Variants in CDK1 observed in about 807,000 individuals in gnomAD.
CDK1 encodes the protein cyclin dependent kinase 1.
In CDK1, 5 loss-of-function variants were observed where a neutral mutation model predicts 34.6. That is an observed-to-expected ratio of 0.14 (90% CI 0.08 to 0.30). The LOEUF (loss-of-function observed/expected upper bound fraction) is 0.30. Ranked by LOEUF, CDK1 falls within the 10% of genes least tolerant of loss-of-function variation. The pLI, the probability that CDK1 is intolerant of heterozygous loss-of-function variation, is 1.00. For missense variants in CDK1, 157 were observed against 345.7 expected (o/e 0.45, Z 4.33); for synonymous variants, 108 against 114.7 (o/e 0.94, Z 0.37).
intron 2 of CDK1, among the ~76,000 whole-genome samples, chr10:60,784,124 A>G (rs1355988095): frequency 2.0e-5 from 3 of 152,174 alleles, no homozygotes; most frequent in Non-Finnish European, 4.4e-5. Flanking sequence ...CAAATGATCT[A>G]TTTTGTTCTG....
At chr10:60,786,874 T>C (rs955815796) in intron 4 of CDK1, 3 of 979,138 alleles carry the variant, frequency 3.1e-6, no homozygotes, top group Admixed American at 6.2e-5. Context: ...TGCATGACTT[T>C]TGGACTTTCT....
intron 2 of CDK1, among the ~76,000 whole-genome samples, chr10:60,784,118 T>C (rs1439381163): frequency 6.6e-6 from 1 of 152,242 alleles, no homozygotes; most frequent in Admixed American, 6.5e-5. Flanking sequence ...AATTTGCAAA[T>C]GATCTATTTT....
intron 4 of CDK1, chr10:60,787,073 T>C: frequency 1.0e-6 from 1 of 984,956 alleles, no homozygotes; most frequent in Non-Finnish European, 1.2e-6. Context: ...TTTTTCCAAA[T>C]GGCTAGCCAG....
At chr10:60,782,535 C>G (rs983003098) in intron 2 of CDK1, among the ~76,000 whole-genome samples, 4 of 152,100 alleles carry the variant, frequency 2.6e-5, no homozygotes, top group Non-Finnish European at 5.9e-5. Context: ...ATGGTGGAAC[C>G]TTGCCTGGCA....
intron 5 of CDK1, among the ~76,000 whole-genome samples, chr10:60,789,270 T>C (rs1298562983): frequency 6.6e-6 from 1 of 152,160 alleles, no homozygotes; most frequent in Admixed American, 6.5e-5. Context: ...TTGTTTGGGC[T>C]ATTTGAAAAT....
chr10:60,786,305 G>A (rs2080315502), intron 4 of CDK1: 3 of 974,654 alleles, frequency 3.1e-6, no homozygotes, highest in Non-Finnish European at 3.7e-6. Flanking sequence ...ACACTTGTAT[G>A]TATGTTCACT....
In CDK1 at chr10:60,785,852, G is replaced by C; in HGVS notation, c.318+65G>C. On this transcript the variant is annotated intron_variant, in intron 4 of 7. Coordinates refer to ENST00000395284, the MANE Select transcript of CDK1 (RefSeq NM_001786.5). ...GGATATAAAGGGACTATATATAGAA[G>C]TCCCTGCATTTTGTGGGAATATGCT... is the stretch of plus-strand genomic sequence containing the variant. 11 of 1,394,322 alleles carry C rather than the reference G, an allele frequency of 7.9e-6. No homozygotes were observed. In the South Asian group the frequency reaches 1.7e-4, roughly 22 times the overall value. 86.4% of individuals were successfully genotyped at this position (1,394,322 alleles called of 1,614,324 possible).
At chr10:60,790,350 C>T (rs566948830) in intron 5 of CDK1, among the ~76,000 whole-genome samples, 2 of 152,220 alleles carry the variant, frequency 1.3e-5, no homozygotes, top group East Asian at 3.9e-4. Flanking sequence ...CTCCAGTGAT[C>T]CTTCCACGTC....
At chr10:60,779,924 AAT>A (rs1202858143) in intron 1 of CDK1, among the ~76,000 whole-genome samples, 1 of 152,212 alleles carries the variant, frequency 6.6e-6, no homozygotes, top group African/African-American at 2.4e-5. Context: ...ACTAGTATAG[AAT>A]ATACACGTTT....
Position 60,791,916 on chromosome 10 carries a change from A to G in CDK1, c.516A>G (p.Pro172=). The G allele has an allele frequency of 6.2e-7, 1 of 1,612,572 alleles. No individual in the cohort carries two copies. The highest frequency in any genetic ancestry group is 8.5e-7 in the Non-Finnish European group (1 of 1,179,044). ...TAGTAACACTCTGGTACAGATCTCCAGAAGTATTGCTGGGGTCAGCTCGTT... is the reference window on the plus strand; with the variant it reads ...TAGTAACACTCTGGTACAGATCTCCGGAAGTATTGCTGGGGTCAGCTCGTT... ...HEVVTLWYRS[P]EVLLGSARYS... Residue 172 remains proline, a synonymous_variant, in exon 6 of 8, where the codon CCA becomes CCG. Coordinates refer to ENST00000395284, the MANE Select transcript of CDK1 (RefSeq NM_001786.5).
rs1179034229 is a variant in CDK1, at chr10:60,780,195, T to G, written c.30T>G (p.Ile10Met). ...AAGATTATACCAAAATAGAGAAAAT[T>G]GGAGAAGGTGAGTGGTTTTAGTAAA... is the stretch of plus-strand genomic sequence containing the variant. Reference protein sequence around the residue: MEDYTKIEKIGEGTYGVVYK... With the variant: MEDYTKIEKMGEGTYGVVYK... Residue 10 changes from isoleucine to methionine, a missense_variant, in exon 2 of 8, where the codon ATT becomes ATG. This residue lies in a region of CDK1 where 53 missense variants were observed against 89.2 expected (regional missense o/e 0.59). Transcript: ENST00000395284. The G allele has an allele frequency of 6.7e-7, 1 of 1,502,066 alleles. No homozygotes were observed. Among genetic ancestry groups the G allele is most frequent in the South Asian group, 1.1e-5 (1 of 88,642 alleles). The allele number at this position is 1,502,066 out of a possible 1,614,324, so 93.0% of individuals were successfully genotyped here. A position where few individuals can be genotyped will look rare whatever the true frequency, so the allele number is the denominator to read the frequency against.
intron 4 of CDK1, 138 bp downstream of exon 4, chr10:60,785,925 T>C (rs1386247486): frequency 3.1e-6 from 4 of 1,296,450 alleles, no homozygotes; most frequent in Non-Finnish European, 3.9e-6. Context: ...TTCTCCCTCA[T>C]GGTTAGTTTA....
chr10:60,778,641 G>C (rs536617584), intron 1 of CDK1, 71 bp downstream of exon 1: 1 of 152,558 alleles, frequency 6.6e-6, no homozygotes, highest in South Asian at 2.1e-4. Context: ...ATTGAGGAAC[G>C]GGGTCCTCTA....
intron 2 of CDK1, among the ~76,000 whole-genome samples, chr10:60,782,671 G>A (rs2456764): frequency 0.31 from 47,059 of 151,866 alleles, 7,743 homozygotes; most frequent in East Asian, 0.62. Flanking sequence ...TCTTCCATTA[G>A]ACTTAGACTG....
At chr10:60,792,643 T>C (rs2080368877) in intron 7 of CDK1, among the ~76,000 whole-genome samples, 1 of 152,090 alleles carries the variant, frequency 6.6e-6, no homozygotes, top group Non-Finnish European at 1.5e-5. Context: ...GTTTTTCTTA[T>C]TGGTTGATAT....
At chr10:60,779,067 T>TC (rs2080249504) in intron 1 of CDK1, among the ~76,000 whole-genome samples, 1 of 152,226 alleles carries the variant, frequency 6.6e-6, no homozygotes, top group Admixed American at 6.5e-5. Context: ...ATCCTGGAAC[T>TC]CGTGGGCCTT....
In CDK1 at chr10:60,788,154, A is replaced by T. The variant is rs563327821; in HGVS notation, c.413A>T (p.Asp138Val). Residue 138 changes from aspartate to valine, a missense_variant, in exon 5 of 8, where the codon GAC becomes GTC. This residue lies in a region of CDK1 where 102 missense variants were observed against 233.6 expected (regional missense o/e 0.44). Coordinates refer to ENST00000395284, the MANE Select transcript of CDK1 (RefSeq NM_001786.5). The stretch of plus-strand genomic sequence containing the variant: ...AAACCTCAAAATCTCTTGATTGATG[A>T]CAAAGGAACAATTAAACTGGCTGAT... ...DLKPQNLLID[D>V]KGTIKLADFG... 7 of 1,611,406 alleles carry T rather than the reference A, an allele frequency of 4.3e-6. No homozygotes were observed. The East Asian group carries it at 1.3e-4, about 31-fold the overall frequency.
chr10:60,785,499 G>C (rs930393140), intron 3 of CDK1, among the ~76,000 whole-genome samples, 165 bp from the exon 4 acceptor site: 16 of 152,292 alleles, frequency 1.1e-4, no homozygotes, highest in African/African-American at 3.6e-4. Context: ...GTTGCCCTGA[G>C]ATTCCTTTCT....
chr10:60,780,333 A>G (rs1202431847), intron 2 of CDK1, 131 bp downstream of exon 2: 12 of 638,744 alleles, frequency 1.9e-5, no homozygotes, highest in Middle Eastern at 4.2e-4. Flanking sequence ...GTGCATTAAC[A>G]TATGTTCTTT....
Sources: allele counts gnomAD v4.1 joint callset (sites outside exome capture counted in the v4.1 genomes callset), GRCh38; gene constraint gnomAD v4.1.1; regional missense constraint gnomAD v4.1.1; transcripts MANE v1.5; gene names NCBI Gene and HGNC (gene_info 2026-07-23, HGNC 2026-07-21).